The following LRMDA variants were observed in gnomAD, a reference collection of about 807,000 sequenced individuals.
LRMDA encodes leucine rich melanocyte differentiation associated.
A neutral mutation model predicts 29.8 loss-of-function variants in LRMDA; 18 were observed. The ratio of observed to expected loss-of-function variants is 0.60; its 90% CI spans 0.42 to 0.90. The LOEUF (loss-of-function observed/expected upper bound fraction) is 0.90, where lower values mean the gene tolerates loss of function less well. LRMDA is among the 40% of genes least tolerant of loss of function. The pLI is 0.00. For synonymous variants in LRMDA, 125 were observed against 109.4 expected, an observed-to-expected ratio of 1.14 and a Z score of -0.89; for missense variants, 273 against 273.9, an observed-to-expected ratio of 1.00 and a Z score of 0.02.
At chr10:76,219,338 A>G (rs1851786600) in intron 5 of LRMDA, among the ~76,000 whole-genome samples, 1 of 152,208 alleles carries the variant, frequency 6.6e-6, no homozygotes, top group Non-Finnish European at 1.5e-5. Context: ...TAAAAATTCG[A>G]GACCCATCAG....
intron 2 of LRMDA, among the ~76,000 whole-genome samples, chr10:75,897,817 C>T (rs1447521482): frequency 5.1e-5 from 4 of 78,418 alleles, no homozygotes; most frequent in Admixed American, 1.9e-4. Flanking sequence ...TTCTTCCTGC[C>T]TTTTTTTTTT....
chr10:75,897,789 C>G (rs1845607489), intron 2 of LRMDA, among the ~76,000 whole-genome samples: 1 of 143,742 alleles, frequency 7.0e-6, no homozygotes, highest in African/African-American at 2.6e-5. Context: ...TGTTTATGAG[C>G]TAGTTTTGCT....
intron 3 of LRMDA, among the ~76,000 whole-genome samples, chr10:76,042,936 A>G (rs960932986): frequency 1.3e-5 from 2 of 152,186 alleles, no homozygotes; most frequent in South Asian, 2.1e-4. Flanking sequence ...TAGGAGCTGT[A>G]TAAGATTTCA....
intron 6 of LRMDA, among the ~76,000 whole-genome samples, chr10:76,428,521 C>A: frequency 6.6e-6 from 1 of 152,140 alleles, no homozygotes; most frequent in East Asian, 1.9e-4. Context: ...TCCTTCCAGG[C>A]CCCACATTAA....
chr10:75,674,519 TCTAA>T (rs969572709), intron 2 of LRMDA, among the ~76,000 whole-genome samples: 4 of 152,294 alleles, frequency 2.6e-5, no homozygotes, highest in South Asian at 4.1e-4. Context: ...ATTATCGCTC[TCTAA>T]CTAAGTGTTA....
chr10:76,378,409 T>A (rs1841547127), intron 6 of LRMDA, among the ~76,000 whole-genome samples: 1 of 152,200 alleles, frequency 6.6e-6, no homozygotes, highest in African/African-American at 2.4e-5. Flanking sequence ...TAGCTAGGAC[T>A]TCCAGTACTA....
chr10:75,982,200 G>T (rs968311522), intron 2 of LRMDA, among the ~76,000 whole-genome samples: 1 of 152,162 alleles, frequency 6.6e-6, no homozygotes, highest in African/African-American at 2.4e-5. Flanking sequence ...CAGTGCCTTT[G>T]GGGGTGAACC....
At chr10:76,479,649 A>G (rs1842716332) in intron 6 of LRMDA, among the ~76,000 whole-genome samples, 1 of 151,898 alleles carries the variant, frequency 6.6e-6, no homozygotes, top group Admixed American at 6.6e-5. Context: ...AAGGGCTGCA[A>G]TTTTTAACTA....
At chr10:76,234,367 T>C (rs1019410303) in intron 5 of LRMDA, among the ~76,000 whole-genome samples, 1 of 152,238 alleles carries the variant, frequency 6.6e-6, no homozygotes, top group Non-Finnish European at 1.5e-5. Context: ...GTTTCATTGA[T>C]AGCACACAGG....
chr10:75,508,906 C>A (rs1462541811), intron 2 of LRMDA, among the ~76,000 whole-genome samples: 1 of 152,140 alleles, frequency 6.6e-6, no homozygotes, highest in Non-Finnish European at 1.5e-5. Context: ...TTTATTATGT[C>A]TTTATGGTGT....
intron 2 of LRMDA, among the ~76,000 whole-genome samples, chr10:75,568,961 G>T (rs1230178350): frequency 6.6e-6 from 1 of 152,148 alleles, no homozygotes; most frequent in Non-Finnish European, 1.5e-5. Context: ...GGGCTTCTGA[G>T]GCAACCCCTT....
At chr10:76,065,958 C>T (rs1489420355) in intron 5 of LRMDA, among the ~76,000 whole-genome samples, 1 of 152,222 alleles carries the variant, frequency 6.6e-6, no homozygotes, top group African/African-American at 2.4e-5. Context: ...ATGACCAGAC[C>T]TGAACCTGAC....
At chr10:75,443,758 G>A (rs191544849) in intron 2 of LRMDA, among the ~76,000 whole-genome samples, 32 of 152,314 alleles carry the variant, frequency 2.1e-4, no homozygotes, top group Middle Eastern at 3.4e-3. Flanking sequence ...GTTTGAGAAG[G>A]ATTGATGTTA....
chr10:76,492,120 A>T (rs1431552906), intron 6 of LRMDA, among the ~76,000 whole-genome samples: 1 of 151,998 alleles, frequency 6.6e-6, no homozygotes, highest in Non-Finnish European at 1.5e-5. Flanking sequence ...AATTTCTTTG[A>T]GCTTCCTCGA....
intron 2 of LRMDA, among the ~76,000 whole-genome samples, chr10:76,021,116 T>C (rs556714189): frequency 6.8e-4 from 104 of 152,332 alleles, no homozygotes; most frequent in African/African-American, 2.3e-3. Flanking sequence ...GTAAGATACC[T>C]GGGACAGTTG....
At chr10:75,898,015 G>A (rs925660709) in intron 2 of LRMDA, among the ~76,000 whole-genome samples, 2 of 151,680 alleles carry the variant, frequency 1.3e-5, no homozygotes, top group East Asian at 3.9e-4. Flanking sequence ...TAGTAGAGAC[G>A]GGGTTTCACC....
intron 2 of LRMDA, among the ~76,000 whole-genome samples, chr10:75,495,645 G>T (rs554344077): frequency 6.6e-6 from 1 of 152,272 alleles, no homozygotes; most frequent in South Asian, 2.1e-4. Context: ...CAACCCCTTT[G>T]AGATCCAGAG....
chr10:76,212,220 A>G (rs1190337615), intron 5 of LRMDA, among the ~76,000 whole-genome samples: 1 of 149,312 alleles, frequency 6.7e-6, no homozygotes, highest in African/African-American at 2.5e-5. Flanking sequence ...TTCTTTTTGT[A>G]TGGTGTGAAA....
At chr10:75,849,040 C>T (rs1421864399) in intron 2 of LRMDA, among the ~76,000 whole-genome samples, 1 of 152,116 alleles carries the variant, frequency 6.6e-6, no homozygotes, top group Non-Finnish European at 1.5e-5. Flanking sequence ...GTCTTCTCTG[C>T]CTCTGGTAGC....
Sources: gnomAD v4.1 joint callset for allele counts (sites outside exome capture counted in the v4.1 genomes callset) on GRCh38, gnomAD v4.1.1 for gene constraint, MANE v1.5 for transcripts, NCBI Gene and HGNC (gene_info 2026-07-23, HGNC 2026-07-21) for gene names.